The following HIP1 variants were observed in gnomAD, a reference collection of about 807,000 sequenced individuals.
HIP1 encodes the protein huntingtin interacting protein 1.
Under a neutral mutation model 147.6 loss-of-function variants are expected in HIP1, and 65 were observed. The ratio of observed to expected loss-of-function variants is 0.44; its 90% confidence interval spans 0.36 to 0.54. HIP1 has a LOEUF of 0.54. Ranked by LOEUF, HIP1 falls within the 20% of genes least tolerant of loss-of-function variation. HIP1 has a pLI of 0.00. For synonymous variants in HIP1, 479 were observed against 504.0 expected (o/e 0.95, Z 0.67); for missense variants, 1,061 against 1,299.6 (o/e 0.82, Z 2.82).
At chr7:75,624,630 T>TA (rs587697191) in intron 1 of HIP1, among the ~76,000 whole-genome samples, 59 of 152,278 alleles carry the variant, frequency 3.9e-4, no homozygotes, top group African/African-American at 1.3e-3. Context: ...ATCCAGGGCT[T>TA]ACGAGGAAAC....
intron 1 of HIP1, among the ~76,000 whole-genome samples, chr7:75,660,052 A>G (rs112053587): frequency 0.015 from 2,196 of 150,454 alleles, 23 homozygotes; most frequent in Middle Eastern, 0.025. Context: ...CGTGAACCGG[A>G]GAAGCGGAGG....
intron 1 of HIP1, among the ~76,000 whole-genome samples, chr7:75,654,160 C>T (rs951291170): frequency 2.6e-5 from 4 of 151,956 alleles, no homozygotes; most frequent in Admixed American, 2.6e-4. Flanking sequence ...TGTGGGAGGC[C>T]AAGGCGGGCG....
chr7:75,559,542 A>G (rs1252772899), intron 14 of HIP1, among the ~76,000 whole-genome samples, 190 bp downstream of exon 14: 1 of 152,142 alleles, frequency 6.6e-6, no homozygotes, highest in African/African-American at 2.4e-5. Flanking sequence ...GGTGCCTCGC[A>G]CACAGCTTTG....
chr7:75,611,935 C>A (rs1719738969), intron 1 of HIP1: 20 of 951,424 alleles, frequency 2.1e-5, no homozygotes, highest in Non-Finnish European at 2.5e-5. Flanking sequence ...GACAGCCCAG[C>A]CAGGCAGTGG....
At chr7:75,635,163 G>C (rs1421172067) in intron 1 of HIP1, among the ~76,000 whole-genome samples, 1 of 152,056 alleles carries the variant, frequency 6.6e-6, no homozygotes, top group Non-Finnish European at 1.5e-5. Flanking sequence ...CCTGAGTGCA[G>C]GGTTAAACCA....
intron 1 of HIP1, among the ~76,000 whole-genome samples, chr7:75,614,532 GA>G (rs202210245): frequency 1.3e-5 from 2 of 152,098 alleles, no homozygotes; most frequent in Non-Finnish European, 2.9e-5. Flanking sequence ...TAGAGACAGA[GA>G]GCTGACTGGT....
At chr7:75,627,228 A>G (rs1798076133) in intron 1 of HIP1, among the ~76,000 whole-genome samples, 1 of 152,244 alleles carries the variant, frequency 6.6e-6, no homozygotes, top group East Asian at 1.9e-4. Context: ...AGAACAGCAC[A>G]TGGCATATCA....
intron 1 of HIP1, among the ~76,000 whole-genome samples, chr7:75,732,074 G>C (rs2269892): frequency 0.7 from 106,972 of 151,952 alleles, 38,330 homozygotes; most frequent in African/African-American, 0.83. Context: ...AGAAGTACCC[G>C]CAACGTAAAC....
intron 1 of HIP1, among the ~76,000 whole-genome samples, chr7:75,614,360 G>A (rs1797557040): frequency 1.3e-5 from 2 of 152,106 alleles, no homozygotes; most frequent in African/African-American, 4.8e-5. Flanking sequence ...GAATTTTATG[G>A]TATGTATATT....
rs587750260 is a variant in HIP1 at position 75,615,423 on chromosome 7, A to G, written c.121-16176T>C. Among the ~76,000 whole-genome samples, 39 of 152,182 alleles carry G rather than the reference A, an allele frequency of 2.6e-4. 1 individual carries two copies. In the South Asian group the frequency reaches 7.0e-3, roughly 28 times the overall value. ...TGAAAATTTAGCTGGGGATGGTGGTATATCTGTAGTGGTGGCTACTTGGGA... is the reference window on the plus strand; with the variant it reads ...TGAAAATTTAGCTGGGGATGGTGGTGTATCTGTAGTGGTGGCTACTTGGGA... On this transcript the variant is annotated intron_variant, in intron 1 of 30. Coordinates refer to ENST00000336926, the MANE Select transcript of HIP1 (RefSeq NM_005338.7).
At chr7:75,734,334 C>T (rs1426054665) in intron 1 of HIP1, among the ~76,000 whole-genome samples, 1 of 151,540 alleles carries the variant, frequency 6.6e-6, no homozygotes, top group Non-Finnish European at 1.5e-5. Flanking sequence ...GTAGTCCCAG[C>T]ACTCAGGAGG....
At chr7:75,589,682 CCA>C (rs1796416188) in intron 4 of HIP1, among the ~76,000 whole-genome samples, 1 of 28,592 alleles carries the variant, frequency 3.5e-5, no homozygotes, top group African/African-American at 3.4e-4. Flanking sequence ...GACTCTGTCT[CCA>C]AAAAAAAAAA....
At chr7:75,647,035 C>T (rs566876535) in intron 1 of HIP1, among the ~76,000 whole-genome samples, 2 of 152,006 alleles carry the variant, frequency 1.3e-5, no homozygotes, top group African/African-American at 2.4e-5. Flanking sequence ...GGCTTAGAGG[C>T]TCCGAGTACC....
At position 75,664,069 on chromosome 7, in the gene HIP1, T is replaced by C. The variant is rs541642733; in HGVS notation, c.121-64822A>G. On this transcript the variant is annotated intron_variant, in intron 1 of 30. Coordinates refer to ENST00000336926, the MANE Select transcript of HIP1 (RefSeq NM_005338.7). ...ATATGTGTATATACACATATATGTG[T>C]ATATACACACACATATACACACATA... Among the ~76,000 whole-genome samples, 229 of 73,928 alleles carry C rather than the reference T, an allele frequency of 3.1e-3. 48 individuals are homozygous for C. Among genetic ancestry groups the C allele is most frequent in the Admixed American group, 7.4e-3 (47 of 6,336 alleles). The allele number at this position is 73,928 out of a possible 152,430, so 48.5% of individuals were successfully genotyped here. A position where few individuals can be genotyped will look rare whatever the true frequency, so the allele number is the denominator to read the frequency against.
At chr7:75,628,684 GGCTGA>G (rs1189962444) in intron 1 of HIP1, among the ~76,000 whole-genome samples, 1 of 152,128 alleles carries the variant, frequency 6.6e-6, no homozygotes, top group East Asian at 1.9e-4. Context: ...TCACCATGTT[GGCTGA>G]GCTGGTTTCA....
intron 8 of HIP1, among the ~76,000 whole-genome samples, chr7:75,572,287 T>C (rs1430342516): frequency 6.6e-6 from 1 of 152,024 alleles, no homozygotes; most frequent in Non-Finnish European, 1.5e-5. Flanking sequence ...ACTATATATA[T>C]TCTGCTAAGG....
intron 1 of HIP1, among the ~76,000 whole-genome samples, chr7:75,720,910 T>C (rs990663734): frequency 4.6e-5 from 7 of 151,796 alleles, no homozygotes; most frequent in South Asian, 2.1e-4. Context: ...TGGTGGAACA[T>C]GCCTGTAATC....
At chr7:75,723,321 G>A (rs1229310616) in intron 1 of HIP1, among the ~76,000 whole-genome samples, 2 of 152,076 alleles carry the variant, frequency 1.3e-5, no homozygotes, top group Admixed American at 6.6e-5. Context: ...GCAGTGAGCC[G>A]AGATCGCGCC....
chr7:75,623,955 A>C (rs991682745), intron 1 of HIP1, among the ~76,000 whole-genome samples: 18 of 152,138 alleles, frequency 1.2e-4, no homozygotes, highest in African/African-American at 4.8e-5. Context: ...ATAGCTACAT[A>C]GGAGGCTGAG....
Sources: gnomAD v4.1 joint callset for allele counts (sites outside exome capture counted in the v4.1 genomes callset) on GRCh38, gnomAD v4.1.1 for gene constraint, MANE v1.5 for transcripts, NCBI Gene and HGNC (gene_info 2026-07-23, HGNC 2026-07-21) for gene names.